WASHC3: variants seen among roughly 807,000 people sequenced by gnomAD.
WASHC3 encodes WASH complex subunit CCDC53.
WASHC3 carries 24 observed loss-of-function variants against 26.1 expected under a neutral mutation model. The ratio of observed to expected loss-of-function variants is 0.92; its 90% CI spans 0.66 to 1.29. The LOEUF (loss-of-function observed/expected upper bound fraction) is 1.29, where lower values mean the gene tolerates loss of function less well. WASHC3 is among the 50% of genes most tolerant of loss of function. The pLI is 0.00. For synonymous variants in WASHC3, 77 were observed against 75.7 expected, an observed-to-expected ratio of 1.02 and a Z score of -0.09; for missense variants, 214 against 229.6, an observed-to-expected ratio of 0.93 and a Z score of 0.44.
intron 6 of WASHC3, chr12:102,017,791 C>A (rs1876774037): frequency 6.9e-6 from 3 of 434,856 alleles, no homozygotes; most frequent in South Asian, 5.0e-5. Context: ...TCATTTTTTT[C>A]TTTTTTTAAT....
At chr12:102,041,830 C>G (rs962528537) in intron 4 of WASHC3, among the ~76,000 whole-genome samples, 16 of 152,020 alleles carry the variant, frequency 1.1e-4, no homozygotes, top group African/African-American at 3.6e-4. Flanking sequence ...CATAAACCCT[C>G]TAAATAAATA....
At chr12:102,052,685 C>G (rs1197761230) in intron 2 of WASHC3, among the ~76,000 whole-genome samples, 1 of 152,054 alleles carries the variant, frequency 6.6e-6, no homozygotes, top group East Asian at 1.9e-4. Context: ...AGTGCCAAGT[C>G]AGCTCCTGTG....
intron 3 of WASHC3, among the ~76,000 whole-genome samples, chr12:102,045,535 T>C (rs1195223909): frequency 6.6e-6 from 1 of 152,154 alleles, no homozygotes; most frequent in Non-Finnish European, 1.5e-5. Context: ...ACCAAAGACA[T>C]CACTGTTATC....
At chr12:102,061,511 G>A (rs541794996) in intron 1 of WASHC3, among the ~76,000 whole-genome samples, 165 bp from the exon 2 acceptor site, 56 of 152,326 alleles carry the variant, frequency 3.7e-4, no homozygotes, top group Non-Finnish European at 6.5e-4. Flanking sequence ...TGGGGTGTCC[G>A]AAGATGACAG....
At chr12:102,024,890 A>G (rs1314369608) in intron 6 of WASHC3, among the ~76,000 whole-genome samples, 2 of 152,180 alleles carry the variant, frequency 1.3e-5, no homozygotes. Flanking sequence ...TGTGTCAGGA[A>G]CAATTTCCAC....
rs114059724 is a variant in WASHC3, at chr12:102,041,113, A to G, written c.325-1135T>C. ...TTTACCAAAGTGAGTATATATATAT[A>G]CATATATATACACACACACACACAC... On this transcript the variant is annotated intron_variant, in intron 4 of 6. Transcript: ENST00000240079. Among the ~76,000 whole-genome samples, 206 of 151,664 alleles carry G rather than the reference A, an allele frequency of 1.4e-3. 1 individual carries two copies. Among genetic ancestry groups the G allele is most frequent in the African/African-American group, 4.8e-3 (197 of 41,460 alleles).
intron 5 of WASHC3, among the ~76,000 whole-genome samples, chr12:102,028,514 T>C (rs1310280426): frequency 6.6e-6 from 1 of 152,032 alleles, no homozygotes; most frequent in African/African-American, 2.4e-5. Context: ...TATTATACTT[T>C]AGCATAATCC....
chr12:102,035,082 CG>C (rs1258867693), intron 5 of WASHC3, among the ~76,000 whole-genome samples: 3 of 151,904 alleles, frequency 2.0e-5, no homozygotes, highest in African/African-American at 7.3e-5. Context: ...GCTACCTAGC[CG>C]GATGGAAGAT....
chr12:102,014,621 A>G (rs1876620884), intron 6 of WASHC3, among the ~76,000 whole-genome samples: 1 of 152,246 alleles, frequency 6.6e-6, no homozygotes, highest in Admixed American at 6.5e-5. Context: ...GTTGTCAAAT[A>G]TAAACCCATT....
At chr12:102,050,352 C>T in intron 2 of WASHC3, 1 of 437,274 alleles carries the variant, frequency 2.3e-6, no homozygotes, top group Non-Finnish European at 4.5e-6. Context: ...GGTACAGTGG[C>T]TCACGCCTAT....
chr12:102,013,216 T>A (rs1467294299), intron 6 of WASHC3, 24 bp from the exon 7 acceptor site: 2 of 1,240,918 alleles, frequency 1.6e-6, no homozygotes, highest in Non-Finnish European at 2.3e-6. Flanking sequence ...AAAAAAAATT[T>A]CAAAGGTCTT....
intron 2 of WASHC3, among the ~76,000 whole-genome samples, chr12:102,048,947 T>C (rs768724013): frequency 3.9e-5 from 6 of 152,224 alleles, no homozygotes; most frequent in South Asian, 2.1e-4. Context: ...AGTGTAATTA[T>C]TGGTATAACA....
At chr12:102,045,220 C>T (rs897891350) in intron 3 of WASHC3, among the ~76,000 whole-genome samples, 6 of 152,062 alleles carry the variant, frequency 3.9e-5, no homozygotes, top group Non-Finnish European at 7.4e-5. Flanking sequence ...GTGGGTATGG[C>T]TGCTAGAGGA....
At chr12:102,035,159 T>C (rs996073945) in intron 5 of WASHC3, among the ~76,000 whole-genome samples, 1 of 152,092 alleles carries the variant, frequency 6.6e-6, no homozygotes, top group Non-Finnish European at 1.5e-5. Flanking sequence ...GGGGATATTA[T>C]CCATCTACAG....
intron 2 of WASHC3, among the ~76,000 whole-genome samples, chr12:102,047,131 G>C (rs1267147305): frequency 1.3e-5 from 2 of 152,138 alleles, no homozygotes; most frequent in Non-Finnish European, 2.9e-5. Context: ...CATAAAATAT[G>C]ACCATTCAAG....
intron 5 of WASHC3, among the ~76,000 whole-genome samples, chr12:102,034,001 A>G (rs559641110): frequency 1.3e-5 from 2 of 152,246 alleles, no homozygotes; most frequent in South Asian, 2.1e-4. Flanking sequence ...CCTAAAGTTG[A>G]GAAAAATTAG....
chr12:102,021,068 G>A (rs1228130794), intron 6 of WASHC3, among the ~76,000 whole-genome samples: 1 of 151,938 alleles, frequency 6.6e-6, no homozygotes, highest in African/African-American at 2.4e-5. Flanking sequence ...GGCGACAAGA[G>A]CAAAATTCCA....
chr12:102,030,063 A>G (rs955400933), intron 5 of WASHC3, among the ~76,000 whole-genome samples: 1 of 152,122 alleles, frequency 6.6e-6, no homozygotes. Flanking sequence ...TGGGAGGCTG[A>G]GGTGGGCGGA....
At chr12:102,043,909 A>C in intron 4 of WASHC3, 196 bp downstream of exon 4, 2 of 338,454 alleles carry the variant, frequency 5.9e-6, no homozygotes, top group Non-Finnish European at 1.1e-5. Flanking sequence ...TTTTACAGGC[A>C]AAGAAAGTAT....
Sources: gnomAD v4.1 joint callset for allele counts (sites outside exome capture counted in the v4.1 genomes callset) on GRCh38, gnomAD v4.1.1 for gene constraint, MANE v1.5 for transcripts, NCBI Gene and HGNC (gene_info 2026-07-23, HGNC 2026-07-21) for gene names.